KSR2: variants seen among roughly 807,000 people sequenced by gnomAD.
KSR2 encodes the protein kinase suppressor of ras 2.
In KSR2, 25 loss-of-function variants were observed where a neutral mutation model predicts 107.8. That is an observed-to-expected ratio of 0.23 (90% CI 0.17 to 0.32). KSR2 has a LOEUF of 0.32. Ranked by LOEUF, KSR2 falls within the 10% of genes least tolerant of loss-of-function variation. The pLI, the probability that KSR2 is intolerant of heterozygous loss-of-function variation, is 1.00. For synonymous variants in KSR2, 480 were observed against 507.0 expected (o/e 0.95, Z 0.71); for missense variants, 887 against 1,268.9 (o/e 0.70, Z 4.57).
chr12:117,510,192 A>C (rs562317851), intron 14 of KSR2, among the ~76,000 whole-genome samples: 20 of 152,364 alleles, frequency 1.3e-4, no homozygotes, highest in African/African-American at 4.8e-4. Context: ...TACCAAAAGC[A>C]CCAAGCCCAC....
chr12:117,770,384 G>A lies in KSR2; in HGVS notation c.473-8860C>T, dbSNP rs1352654575. ...GGATGGCCAGCCACCCGCTGAAGCC[G>A]TGGGACAGGCAAGGAACCGATTCTC... is the stretch of plus-strand genomic sequence containing the variant. On this transcript the variant is annotated intron_variant, in intron 3 of 19. Transcript: ENST00000339824. 4.6e-5 allele frequency among the ~76,000 whole-genome samples: 7 copies of A among 152,260 alleles called. No individual in the cohort carries two copies. In the East Asian group the frequency reaches 5.8e-4, roughly 13 times the overall value.
intron 3 of KSR2, among the ~76,000 whole-genome samples, chr12:117,834,086 A>G (rs1892094927): frequency 6.6e-6 from 1 of 151,940 alleles, no homozygotes; most frequent in South Asian, 2.1e-4. Context: ...GGTTGCAGTG[A>G]GCCAAGATCA....
chr12:117,527,004 T>TCA, intron 13 of KSR2, 67 bp downstream of exon 13: 1 of 1,368,072 alleles, frequency 7.3e-7, no homozygotes, highest in Non-Finnish European at 1.0e-6. Flanking sequence ...ATCCAAAACG[T>TCA]CAGTCGGCTT....
At chr12:117,953,376 C>G (rs1355271424) in intron 1 of KSR2, among the ~76,000 whole-genome samples, 8 of 152,166 alleles carry the variant, frequency 5.3e-5, no homozygotes, top group Admixed American at 5.2e-4. Context: ...ACTCTCATAC[C>G]AGTGATCATA....
At chr12:117,810,206 C>G (rs1891148800) in intron 3 of KSR2, among the ~76,000 whole-genome samples, 1 of 152,128 alleles carries the variant, frequency 6.6e-6, no homozygotes, top group African/African-American at 2.4e-5. Flanking sequence ...AGTCATATAA[C>G]AAAGAACCCA....
Position 117,763,463 on chromosome 12 carries a change from G to T in KSR2, c.473-1939C>A, listed in dbSNP as rs972223465. On this transcript the variant is annotated intron_variant, in intron 3 of 19. Coordinates refer to ENST00000339824, the MANE Select transcript of KSR2 (RefSeq NM_173598.6). The stretch of plus-strand genomic sequence containing the variant: ...CGTAAAGCCTTTCTGCATCCTCCAT[G>T]CTAAGAGCTCTAAATGCATAAAGAT... Among the ~76,000 whole-genome samples the T allele has an allele frequency of 2.0e-5, 3 of 152,256 alleles. 1 individual carries two copies. In the South Asian group the frequency reaches 6.2e-4, roughly 32 times the overall value.
At chr12:117,702,696 A>G (rs1886375164) in intron 4 of KSR2, among the ~76,000 whole-genome samples, 2 of 152,144 alleles carry the variant, frequency 1.3e-5, no homozygotes, top group South Asian at 2.1e-4. Flanking sequence ...TTATCCATGG[A>G]TCCCCTCTTC....
intron 3 of KSR2, among the ~76,000 whole-genome samples, chr12:117,808,259 C>T (rs532655808): frequency 1.4e-4 from 22 of 152,264 alleles, no homozygotes; most frequent in South Asian, 4.2e-4. Context: ...GAACCACAGA[C>T]GCAGAGCCCA....
rs201936852 is a variant in KSR2 at position 117,834,149 on chromosome 12, T to TAA, written c.472+21277_472+21278dup. 5.2e-3 allele frequency among the ~76,000 whole-genome samples: 690 copies of TAA among 132,816 alleles called. 4 individuals carry two copies. The highest frequency in any genetic ancestry group is 0.017 in the African/African-American group (633 of 37,156). 87.1% of individuals were successfully genotyped at this position (132,816 alleles called of 152,430 possible). A position where few individuals can be genotyped will look rare whatever the true frequency, so the allele number is the denominator to read the frequency against. ...GAGTGAGACCCTGTCTCAAAAAAAA[T>TAA]AAAAAAAAAAAACAGAACTGGCATC... On this transcript the variant is annotated intron_variant, in intron 3 of 19. Coordinates refer to ENST00000339824, the MANE Select transcript of KSR2 (RefSeq NM_173598.6).
At chr12:117,739,555 G>T (rs892690531) in intron 4 of KSR2, among the ~76,000 whole-genome samples, 29 of 152,020 alleles carry the variant, frequency 1.9e-4, no homozygotes, top group African/African-American at 6.0e-4. Context: ...ACTGGCCCTC[G>T]ATAATGATGT....
intron 1 of KSR2, among the ~76,000 whole-genome samples, chr12:117,894,202 G>A (rs1429615588): frequency 6.6e-6 from 1 of 152,026 alleles, no homozygotes; most frequent in African/African-American, 2.4e-5. Flanking sequence ...AGCCACCGGC[G>A]CCCGGCCAAA....
intron 5 of KSR2, among the ~76,000 whole-genome samples, chr12:117,627,875 T>C (rs923383537): frequency 2.0e-5 from 3 of 152,248 alleles, no homozygotes; most frequent in Non-Finnish European, 4.4e-5. Context: ...CATAGTCCCA[T>C]ATTTCTTGGA....
At chr12:117,697,593 A>G (rs1050576497) in intron 4 of KSR2, among the ~76,000 whole-genome samples, 1 of 152,130 alleles carries the variant, frequency 6.6e-6, no homozygotes, top group Non-Finnish European at 1.5e-5. Context: ...TACAAGAATT[A>G]GCCAGGCATG....
At chr12:117,931,467 G>A (rs73406662) in intron 1 of KSR2, among the ~76,000 whole-genome samples, 5,978 of 152,184 alleles carry the variant, frequency 0.039, 401 homozygotes, top group African/African-American at 0.13. Context: ...TAAAGAGGTC[G>A]TGCCCGCCTG....
At position 117,539,756 on chromosome 12, in the gene KSR2, T is replaced by C. The variant is rs2137283500; in HGVS notation, c.1650A>G (p.Pro550=). The C allele has an allele frequency of 6.2e-7, 1 of 1,605,732 alleles. No homozygotes were observed. ...ATPPSPLHPS[P]QCTRQQKNFN... ...AGTTCTTCTGCTGCCGTGTGCACTG[T>C]GGGGAAGGGTGTAGGGGAGAAGGCG... is the stretch of plus-strand genomic sequence containing the variant. Residue 550 remains proline, a synonymous_variant, in exon 10 of 20, where the codon CCA becomes CCG. Coordinates refer to ENST00000339824, the MANE Select transcript of KSR2 (RefSeq NM_173598.6).
chr12:117,627,207 G>A (rs1436121655), intron 5 of KSR2, among the ~76,000 whole-genome samples: 3 of 152,112 alleles, frequency 2.0e-5, no homozygotes, highest in African/African-American at 7.2e-5. Flanking sequence ...TACATTTAAG[G>A]TTAATATTGT....
At chr12:117,948,695 A>G (rs1247944406) in intron 1 of KSR2, among the ~76,000 whole-genome samples, 2 of 152,198 alleles carry the variant, frequency 1.3e-5, no homozygotes, top group Non-Finnish European at 2.9e-5. Context: ...AAAATTGTAC[A>G]TTTAAATGCA....
intron 3 of KSR2, among the ~76,000 whole-genome samples, chr12:117,844,637 C>T (rs760151461): frequency 8.5e-5 from 13 of 152,324 alleles, no homozygotes; most frequent in Admixed American, 2.0e-4. Flanking sequence ...CCCAAATTTG[C>T]ATATGCAACC....
At chr12:117,520,640 C>G (rs565893305) in intron 14 of KSR2, among the ~76,000 whole-genome samples, 1 of 152,324 alleles carries the variant, frequency 6.6e-6, no homozygotes, top group East Asian at 1.9e-4. Flanking sequence ...CTGTCGTTGC[C>G]TTTGCACTAG....
Sources: allele counts gnomAD v4.1 joint callset (sites outside exome capture counted in the v4.1 genomes callset), GRCh38; gene constraint gnomAD v4.1.1; transcripts MANE v1.5; gene names NCBI Gene and HGNC (gene_info 2026-07-23, HGNC 2026-07-21).